CCSER1: variants seen among roughly 807,000 people sequenced by gnomAD.
CCSER1 encodes coiled-coil serine rich protein 1.
CCSER1 carries 41 observed loss-of-function variants against 82.0 expected under a neutral mutation model. The ratio of observed to expected loss-of-function variants is 0.50; its 90% CI spans 0.39 to 0.65. The LOEUF (loss-of-function observed/expected upper bound fraction) is 0.65. CCSER1 is among the 30% of genes least tolerant of loss of function. CCSER1 has a pLI of 0.00. For synonymous variants in CCSER1, 414 were observed against 383.9 expected (o/e 1.08, Z -0.92); for missense variants, 1,119 against 1,064.2 (o/e 1.05, Z -0.72).
intron 10 of CCSER1, among the ~76,000 whole-genome samples, chr4:91,157,389 G>T (rs1560476119): frequency 1.3e-5 from 2 of 151,952 alleles, no homozygotes; most frequent in Non-Finnish European, 2.9e-5. Context: ...AGATGAGTAA[G>T]ACAGCCTTAT....
At chr4:91,424,384 C>G (rs1247718687) in intron 10 of CCSER1, among the ~76,000 whole-genome samples, 1 of 152,098 alleles carries the variant, frequency 6.6e-6, no homozygotes, top group Non-Finnish European at 1.5e-5. Context: ...GAAATGCCCT[C>G]TCACACTTTA....
intron 9 of CCSER1, among the ~76,000 whole-genome samples, chr4:91,079,507 A>T (rs1429131561): frequency 6.6e-6 from 1 of 152,236 alleles, no homozygotes; most frequent in Non-Finnish European, 1.5e-5. Flanking sequence ...AAGAAGTTGC[A>T]TCAACTAATG....
intron 1 of CCSER1, among the ~76,000 whole-genome samples, chr4:90,232,952 A>G (rs1744927430): frequency 6.6e-6 from 1 of 150,516 alleles, no homozygotes; most frequent in Non-Finnish European, 1.5e-5. Flanking sequence ...TAGAATGGCA[A>G]TCATTAAAAA....
At chr4:90,805,827 T>C (rs529695226) in intron 7 of CCSER1, among the ~76,000 whole-genome samples, 15 of 152,308 alleles carry the variant, frequency 9.8e-5, no homozygotes, top group Non-Finnish European at 2.9e-5. Context: ...AGCCTACAGG[T>C]TAATGGAATA....
At chr4:91,593,467 CTTTTTTTTTTT>C (rs753973015) in intron 10 of CCSER1, among the ~76,000 whole-genome samples, 3 of 55,020 alleles carry the variant, frequency 5.5e-5, no homozygotes, top group Non-Finnish European at 9.9e-5. Context: ...CAACCCCGTG[CTTTTTTTTTTT>C]TTTTTTTTTT....
chr4:90,431,469 G>C (rs1321080880), intron 4 of CCSER1, among the ~76,000 whole-genome samples: 4 of 152,010 alleles, frequency 2.6e-5, no homozygotes, highest in Non-Finnish European at 5.9e-5. Context: ...TCCTGTTACT[G>C]ATAGTTCAAG....
chr4:91,471,021 C>A (rs886630340), intron 10 of CCSER1, among the ~76,000 whole-genome samples: 6 of 152,098 alleles, frequency 3.9e-5, no homozygotes, highest in Non-Finnish European at 7.4e-5. Context: ...GATTGAAAGT[C>A]CGACTGTTAA....
At chr4:91,439,056 T>C (rs868572156) in intron 10 of CCSER1, among the ~76,000 whole-genome samples, 4 of 152,326 alleles carry the variant, frequency 2.6e-5, no homozygotes, top group Admixed American at 1.3e-4. Context: ...GAAAACACTC[T>C]GCAGGATATT....
At chr4:90,348,694 G>C (rs1454121160) in intron 3 of CCSER1, among the ~76,000 whole-genome samples, 1 of 152,020 alleles carries the variant, frequency 6.6e-6, no homozygotes, top group Non-Finnish European at 1.5e-5. Flanking sequence ...TCCAAAGATA[G>C]AATTATATTT....
intron 4 of CCSER1, among the ~76,000 whole-genome samples, chr4:90,458,478 G>A (rs1427922799): frequency 6.6e-6 from 1 of 151,936 alleles, no homozygotes; most frequent in African/African-American, 2.4e-5. Context: ...CTCAGTTCCT[G>A]AGCAATTGGG....
intron 10 of CCSER1, among the ~76,000 whole-genome samples, chr4:91,158,948 C>G (rs569957676): frequency 6.6e-6 from 1 of 152,076 alleles, no homozygotes; most frequent in East Asian, 1.9e-4. Flanking sequence ...ACCAAAAGTA[C>G]AGCTTTTAAC....
chr4:90,474,014 G>A (rs761943962), intron 5 of CCSER1, among the ~76,000 whole-genome samples: 6 of 152,002 alleles, frequency 3.9e-5, no homozygotes, highest in Admixed American at 1.3e-4. Context: ...GGTGGCGCAC[G>A]CCTATAGTTC....
intron 1 of CCSER1, among the ~76,000 whole-genome samples, chr4:90,170,196 C>T (rs969437245): frequency 6.6e-6 from 1 of 151,998 alleles, no homozygotes; most frequent in Admixed American, 6.6e-5. Flanking sequence ...CTCTTGAAGG[C>T]AGATAGTATA....
intron 10 of CCSER1, among the ~76,000 whole-genome samples, chr4:91,157,381 A>G (rs1730918009): frequency 6.6e-6 from 1 of 152,028 alleles, no homozygotes; most frequent in Non-Finnish European, 1.5e-5. Flanking sequence ...TTCTTTTCAG[A>G]TGAGTAAGAC....
At chr4:90,772,069 C>G (rs1287861253) in intron 7 of CCSER1, among the ~76,000 whole-genome samples, 4 of 152,030 alleles carry the variant, frequency 2.6e-5, no homozygotes, top group Admixed American at 6.6e-5. Flanking sequence ...AAAATTTGAT[C>G]TAAGGCAAGA....
intron 10 of CCSER1, among the ~76,000 whole-genome samples, chr4:91,363,159 C>T (rs1351786619): frequency 6.6e-6 from 1 of 151,160 alleles, no homozygotes; most frequent in Non-Finnish European, 1.5e-5. Flanking sequence ...AACAAAGAAA[C>T]AAAAAAACAG....
intron 10 of CCSER1, among the ~76,000 whole-genome samples, chr4:91,550,651 C>T (rs1388578519): frequency 6.6e-6 from 1 of 152,112 alleles, no homozygotes; most frequent in Non-Finnish European, 1.5e-5. Context: ...AAATTGAGAG[C>T]TTCTTGGGCT....
At chr4:91,062,517 A>G (rs1744048108) in intron 9 of CCSER1, among the ~76,000 whole-genome samples, 1 of 152,010 alleles carries the variant, frequency 6.6e-6, no homozygotes, top group Admixed American at 6.6e-5. Context: ...TTTAGTCCCT[A>G]TACATTTTCC....
intron 6 of CCSER1, among the ~76,000 whole-genome samples, chr4:90,710,513 G>C (rs1740372961): frequency 1.3e-5 from 2 of 152,092 alleles, no homozygotes; most frequent in Non-Finnish European, 2.9e-5. Context: ...TGTATATGGT[G>C]TAAGGAAGAG....
Sources: allele counts gnomAD v4.1 joint callset (sites outside exome capture counted in the v4.1 genomes callset), GRCh38; gene constraint gnomAD v4.1.1; transcripts MANE v1.5; gene names NCBI Gene and HGNC (gene_info 2026-07-23, HGNC 2026-07-21).